The following CMSS1 variants were observed in gnomAD, a reference collection of about 807,000 sequenced individuals.
CMSS1 encodes cms1 ribosomal small subunit homolog, also known as protein CMSS1.
In CMSS1, 33 loss-of-function variants were observed where a neutral mutation model predicts 43.5. The observed-to-expected ratio is 0.76, with a 90% CI of 0.57 to 1.01. CMSS1 has a LOEUF of 1.01. Among genes scored for constraint, CMSS1 ranks in the 50% least tolerant of loss-of-function variants. The pLI, the probability that CMSS1 is intolerant of heterozygous loss-of-function variation, is 0.00. For synonymous variants in CMSS1, 115 were observed against 117.2 expected, an observed-to-expected ratio of 0.98 and a Z score of 0.12; for missense variants, 313 against 326.4, an observed-to-expected ratio of 0.96 and a Z score of 0.32.
intron 1 of CMSS1, among the ~76,000 whole-genome samples, chr3:99,878,169 A>G (rs959152907): frequency 2.0e-5 from 3 of 152,140 alleles, no homozygotes; most frequent in Non-Finnish European, 4.4e-5. Flanking sequence ...CAGTCTCTTG[A>G]CCCAGCTATG....
chr3:100,139,751 C>T (rs902260128), intron 1 of CMSS1, among the ~76,000 whole-genome samples: 2 of 146,400 alleles, frequency 1.4e-5, no homozygotes, highest in Admixed American at 6.9e-5. Context: ...TAGCTGAGAT[C>T]GCGCCATTGC....
intron 1 of CMSS1, among the ~76,000 whole-genome samples, chr3:100,060,581 G>T (rs868142504): frequency 2.0e-5 from 3 of 152,044 alleles, no homozygotes; most frequent in Admixed American, 6.5e-5. Context: ...GGGGCTCGGC[G>T]CAGTGGCTCA....
Position 100,146,972 on chromosome 3 carries a change from G to T in CMSS1, c.65-1G>T. 1 of 1,613,330 alleles carries T rather than the reference G, an allele frequency of 6.2e-7. No individual in the cohort carries two copies. The highest frequency in any genetic ancestry group is 1.7e-5 in the Admixed American group (1 of 59,962). On this transcript the variant is annotated splice_acceptor_variant, in intron 1 of 9. Transcript: ENST00000421999. LOFTEE classifies it high-confidence loss of function. ...TGATTTTCAAACTTTATATTTTCTA[G>T]AAGCATCAGATGGTGAAGGAGAAGG...
intron 1 of CMSS1, among the ~76,000 whole-genome samples, chr3:100,141,226 AG>A (rs1466275540): frequency 6.6e-6 from 1 of 152,224 alleles, no homozygotes; most frequent in Non-Finnish European, 1.5e-5. Context: ...GAGTTAGCAC[AG>A]GATGTCTAGT....
At chr3:100,106,024 C>G (rs922291160) in intron 1 of CMSS1, among the ~76,000 whole-genome samples, 1 of 152,112 alleles carries the variant, frequency 6.6e-6, no homozygotes, top group African/African-American at 2.4e-5. Context: ...GAAGTCAAGA[C>G]AGACAGATTA....
intron 1 of CMSS1, among the ~76,000 whole-genome samples, chr3:100,098,616 T>C (rs904936079): frequency 6.6e-6 from 1 of 152,224 alleles, no homozygotes; most frequent in African/African-American, 2.4e-5. Context: ...GAAGTTATTT[T>C]TGTGCATATA....
At chr3:100,076,720 AC>A (rs1367559919) in intron 1 of CMSS1, among the ~76,000 whole-genome samples, 1 of 152,186 alleles carries the variant, frequency 6.6e-6, no homozygotes, top group African/African-American at 2.4e-5. Context: ...TGTTTCTTCT[AC>A]CATCTCCACC....
At chr3:99,943,319 T>A (rs1016400862) in intron 1 of CMSS1, among the ~76,000 whole-genome samples, 22 of 152,338 alleles carry the variant, frequency 1.4e-4, no homozygotes, top group African/African-American at 5.3e-4. Flanking sequence ...TTTTTCAGAA[T>A]AAGCTTCATA....
chr3:99,942,420 T>C (rs1707877127), intron 1 of CMSS1, among the ~76,000 whole-genome samples: 1 of 152,244 alleles, frequency 6.6e-6, no homozygotes, highest in South Asian at 2.1e-4. Context: ...TCTCTGAAGA[T>C]GGGTAAAGAG....
intron 1 of CMSS1, among the ~76,000 whole-genome samples, chr3:100,117,860 T>TACAC (rs1235716811): frequency 0.021 from 2,561 of 123,886 alleles, 78 homozygotes; most frequent in Non-Finnish European, 0.028. Flanking sequence ...TATACATATA[T>TACAC]ATATATATAT....
chr3:99,883,391 A>C (rs1033195938), intron 1 of CMSS1, among the ~76,000 whole-genome samples: 4 of 152,308 alleles, frequency 2.6e-5, no homozygotes, highest in African/African-American at 9.6e-5. Flanking sequence ...TTCCTATATT[A>C]TATCATTTTA....
rs111416465 is a variant in CMSS1, at chr3:99,988,838, C to T, written c.65-158135C>T. 5.0e-3 allele frequency among the ~76,000 whole-genome samples: 762 copies of T among 152,258 alleles called. 4 individuals carry two copies. Among genetic ancestry groups the T allele is most frequent in the South Asian group, 8.7e-3 (42 of 4,828 alleles). On this transcript the variant is annotated intron_variant, in intron 1 of 9. Transcript: ENST00000421999. ...TGTTCTTTCATTGGTAATTTTTATT[C>T]CAAATCTGGCAGGTGCCTTCATTCT... is the stretch of plus-strand genomic sequence containing the variant.
At chr3:100,133,185 G>A (rs151309636) in intron 1 of CMSS1, among the ~76,000 whole-genome samples, 1 of 151,930 alleles carries the variant, frequency 6.6e-6, no homozygotes, top group African/African-American at 2.4e-5. Context: ...AATGATAGAA[G>A]AACAAAGAAA....
intron 3 of CMSS1, among the ~76,000 whole-genome samples, chr3:100,160,748 A>G (rs147077504): frequency 2.6e-5 from 4 of 152,250 alleles, no homozygotes; most frequent in East Asian, 1.9e-4. Context: ...TACCCACCCT[A>G]TGTTTTCAGT....
chr3:100,037,258 G>A (rs1188614313), intron 1 of CMSS1, among the ~76,000 whole-genome samples: 7 of 152,072 alleles, frequency 4.6e-5, no homozygotes, highest in Non-Finnish European at 1.0e-4. Flanking sequence ...GGGACATGAT[G>A]TCTGCAACTT....
In CMSS1 at chr3:100,074,675, ATTTTTTTTTTTTTTTTT is replaced by A. The variant is rs555819875; in HGVS notation, c.65-72278_65-72262del. ...ATTTTCTATGCATGTGCAACATTTGATTTTTTTTTTTTTTTTTTTTTTTTTTTTTTTTTTTTGAGACG... is the reference window on the plus strand; with the variant it reads ...ATTTTCTATGCATGTGCAACATTTGATTTTTTTTTTTTTTTTTTTGAGACG... On this transcript the variant is annotated intron_variant, in intron 1 of 9. Coordinates refer to ENST00000421999, the MANE Select transcript of CMSS1 (RefSeq NM_032359.4). Among the ~76,000 whole-genome samples the A allele has an allele frequency of 3.4e-3, 118 of 34,802 alleles. 1 individual carries two copies. The East Asian group carries it at 0.085, about 25-fold the overall frequency. The allele number at this position is 34,802 out of a possible 152,430, so 22.8% of individuals were successfully genotyped here.
chr3:100,162,346 G>T lies in CMSS1; in HGVS notation c.269G>T (p.Gly90Val). 6.2e-7 allele frequency: 1 copy of T among 1,612,978 alleles called. No homozygotes were observed. Among genetic ancestry groups the T allele is most frequent in the Non-Finnish European group, 8.5e-7 (1 of 1,179,320 alleles). ...CTTGCAAAATCAGAACCAAAACCAG[G>T]GTTACCTGAAGACCTACAGAAGCTG... ...DVLAKSEPKP[G>V]LPEDLQKLMK... The change falls in exon 4 of 10, where the codon GGG (glycine) becomes GTG (valine). Residue 90 changes from glycine (G) to valine (V), a missense_variant. By Grantham distance (109) the Gly-to-Val change is moderately radical. Transcript: ENST00000421999.
At chr3:99,838,700 C>A (rs181310800) in intron 1 of CMSS1, among the ~76,000 whole-genome samples, 173 of 152,288 alleles carry the variant, frequency 1.1e-3, no homozygotes, top group African/African-American at 4.1e-3. Context: ...TTTCACTCCT[C>A]AGTTTTGTGA....
intron 1 of CMSS1, among the ~76,000 whole-genome samples, chr3:99,951,850 T>C (rs989571860): frequency 1.3e-5 from 2 of 152,228 alleles, no homozygotes; most frequent in African/African-American, 2.4e-5. Context: ...TGGAATGATA[T>C]ACATGTGAAT....
Sources: gnomAD v4.1 joint callset for allele counts (sites outside exome capture counted in the v4.1 genomes callset) on GRCh38, gnomAD v4.1.1 for gene constraint, MANE v1.5 for transcripts, NCBI Gene and HGNC (gene_info 2026-07-23, HGNC 2026-07-21) for gene names.